Variants in SMARCA4 observed in about 807,000 individuals in gnomAD.
SMARCA4 encodes the protein SWI/SNF-related matrix-associated actin-dependent regulator of chromatin subfamily A member 4.
Under a neutral mutation model 193.9 loss-of-function variants are expected in SMARCA4, and 31 were observed. The observed-to-expected ratio is 0.16, with a 90% CI of 0.12 to 0.22. SMARCA4 has a LOEUF of 0.22. Among genes scored for constraint, SMARCA4 ranks in the 10% least tolerant of loss-of-function variants. SMARCA4 has a pLI of 1.00. For missense variants in SMARCA4, 1,148 were observed against 2,296.0 expected (o/e 0.50, Z 10.22); for synonymous variants, 942 against 933.1 (o/e 1.01, Z -0.17).
chr19:11,059,934 G>A, intron 33 of SMARCA4, 49 bp downstream of exon 33: 4 of 1,613,404 alleles, frequency 2.5e-6, no homozygotes, highest in Non-Finnish European at 3.4e-6. Context: ...TGGCCCGAGA[G>A]CCCCCAAGGC....
At chr19:10,974,682 TATATATA>T (rs1470988975) in intron 1 of SMARCA4, among the ~76,000 whole-genome samples, 1 of 55,628 alleles carries the variant, frequency 1.8e-5, no homozygotes, top group African/African-American at 6.7e-5. Flanking sequence ...TATATATATA[TATATATA>T]TTTTTTTTTT....
In SMARCA4 at chr19:10,987,802, C is replaced by T. The variant is rs2145818726; in HGVS notation, c.996C>T (p.Ser332=). The part of the protein sequence containing the change: ...ASPVMPPQTQ[S]PGQPAQPAPM... ...CCGTGATGCCACCGCAGACCCAGTC[C>T]CCCGGGCAGCCGGCCCAGCCCGCGC... The change falls in exon 6 of 35, where the codon TCC becomes TCT. Residue 332 remains serine, a synonymous_variant. Coordinates refer to ENST00000344626, the MANE Select transcript of SMARCA4 (RefSeq NM_003072.5). The surrounding 1 kb of genome is among the most constrained non-coding windows in gnomAD (Gnocchi z 5.3). 1 of 1,603,016 alleles carries T rather than the reference C, an allele frequency of 6.2e-7. No homozygotes were observed. Among genetic ancestry groups the T allele is most frequent in the Non-Finnish European group, 8.5e-7 (1 of 1,175,666 alleles).
At chr19:11,014,409 C>T (rs1408653046) in intron 16 of SMARCA4, among the ~76,000 whole-genome samples, 2 of 152,262 alleles carry the variant, frequency 1.3e-5, no homozygotes, top group Non-Finnish European at 2.9e-5. Context: ...CTGCTTCCTA[C>T]GTGGCGGGTA....
At chr19:10,964,392 C>A (rs2084047972) in intron 1 of SMARCA4, among the ~76,000 whole-genome samples, 1 of 151,720 alleles carries the variant, frequency 6.6e-6, no homozygotes. Context: ...CTCACTGCAA[C>A]CTCTGCCTCC....
chr19:10,975,877 T>A (rs2085085661), intron 1 of SMARCA4, among the ~76,000 whole-genome samples: 1 of 152,222 alleles, frequency 6.6e-6, no homozygotes, highest in Non-Finnish European at 1.5e-5. Flanking sequence ...TTTCTCCTTG[T>A]GGAGGCCCCG....
At chr19:10,961,569 G>C (rs1228785396) in intron 1 of SMARCA4, 1 of 152,232 alleles carries the variant, frequency 6.6e-6, no homozygotes, top group Admixed American at 6.5e-5. Flanking sequence ...CGTGGTAACG[G>C]GTCCGACCCG....
chr19:11,045,540 G>A (rs1020282176), intron 30 of SMARCA4, among the ~76,000 whole-genome samples: 2 of 152,078 alleles, frequency 1.3e-5, no homozygotes, highest in African/African-American at 4.8e-5. Context: ...ACACTTCTCT[G>A]TATTCCATTA....
In SMARCA4 at chr19:10,987,018, C is replaced by T. The variant is rs1381780491; in HGVS notation, c.859+15C>T. 13 of 1,578,394 alleles carry T rather than the reference C, an allele frequency of 8.2e-6. No individual in the cohort carries two copies. Among genetic ancestry groups the T allele is most frequent in the East Asian group, 2.2e-5 (1 of 44,752 alleles). On this transcript the variant is annotated intron_variant, in intron 5 of 34. Coordinates refer to ENST00000344626, the MANE Select transcript of SMARCA4 (RefSeq NM_003072.5). This position sits in a 1 kb window ranked among gnomAD's most constrained non-coding sequence, Gnocchi z 5.3. ...CTGGCCTGAAGGTGAGCTCCCTCTT[C>T]TATGGTGGTGCACCCGTGCCCTTAC...
chr19:11,005,528 T>C (rs887957307), intron 13 of SMARCA4, among the ~76,000 whole-genome samples: 7 of 152,232 alleles, frequency 4.6e-5, no homozygotes, highest in African/African-American at 1.7e-4. Context: ...CTGGCACTTA[T>C]GCTTTGCTGA....
intron 8 of SMARCA4, 65 bp from the exon 9 acceptor site, chr19:10,994,763 C>T (rs564750568): frequency 6.9e-7 from 1 of 1,444,108 alleles, no homozygotes; most frequent in Middle Eastern, 1.7e-4. Context: ...TTAAACAAGC[C>T]TTGCGGGGAG....
chr19:11,007,754 A>G (rs1207433623), intron 13 of SMARCA4, 148 bp from the exon 14 acceptor site: 1 of 686,062 alleles, frequency 1.5e-6, no homozygotes, highest in East Asian at 2.8e-5. Context: ...ACAAAGATGT[A>G]AATAATAAAC....
rs145725609 is a variant in SMARCA4 at position 10,965,715 on chromosome 19, G to A, written c.-32+4541G>A. ...CACCTGTACAGCATGTCACTGTACC[G>A]ATTATTGTAGGCAGTTGTGACCCGA... is the stretch of plus-strand genomic sequence containing the variant. On this transcript the variant is annotated intron_variant, in intron 1 of 34. Transcript: ENST00000344626. 5.6e-4 allele frequency among the ~76,000 whole-genome samples: 86 copies of A among 152,246 alleles called. 1 individual carries two copies. Among genetic ancestry groups the A allele is most frequent in the African/African-American group, 1.7e-3 (71 of 41,546 alleles).
rs1264599012 is a variant in SMARCA4 at position 10,984,787 on chromosome 19, C to G, written c.222+414C>G. ...GCCGAGCAGCGGGTTCCCTTTCCTC[C>G]AAGGCGTGCCCCTCAGCCACTGTCT... On this transcript the variant is annotated intron_variant, in intron 2 of 34. Transcript: ENST00000344626. This position sits in a 1 kb window ranked among gnomAD's most constrained non-coding sequence, Gnocchi z 4.3. Among the ~76,000 whole-genome samples, 4 of 152,224 alleles carry G rather than the reference C, an allele frequency of 2.6e-5. No homozygotes were observed. The highest frequency in any genetic ancestry group is 9.6e-5 in the African/African-American group (4 of 41,472).
chr19:10,999,794 T>C (rs552615334), intron 11 of SMARCA4, among the ~76,000 whole-genome samples: 2 of 152,234 alleles, frequency 1.3e-5, no homozygotes, highest in Non-Finnish European at 2.9e-5. Flanking sequence ...ATAGGCTTAC[T>C]TACCTGCTCC....
At chr19:10,972,746 A>G (rs1311916084) in intron 1 of SMARCA4, among the ~76,000 whole-genome samples, 3 of 152,158 alleles carry the variant, frequency 2.0e-5, no homozygotes, top group Admixed American at 6.6e-5. Flanking sequence ...AGTGTTGCGT[A>G]TATAGCTGAT....
In SMARCA4 at chr19:11,058,977, G is replaced by A; in HGVS notation, c.4635+88G>A. Reference sequence around the variant, plus strand: ...CCCCTCCTTCCCTTCTGAATTGATGGGTTAAAAACAAGTCCCGCTAGCTGT... The same window carrying A: ...CCCCTCCTTCCCTTCTGAATTGATGAGTTAAAAACAAGTCCCGCTAGCTGT... On this transcript the variant is annotated intron_variant, in intron 32 of 34. Coordinates refer to ENST00000344626, the MANE Select transcript of SMARCA4 (RefSeq NM_003072.5). This position sits in a 1 kb window ranked among gnomAD's most constrained non-coding sequence, Gnocchi z 5.8. The A allele has an allele frequency of 9.3e-7, 1 of 1,070,184 alleles. No individual in the cohort carries two copies. The highest frequency in any genetic ancestry group is 1.4e-6 in the Non-Finnish European group (1 of 704,670). The allele number at this position is 1,070,184 out of a possible 1,614,324, so 66.3% of individuals were successfully genotyped here. A position where few individuals can be genotyped will look rare whatever the true frequency, so the allele number is the denominator to read the frequency against.
intron 6 of SMARCA4, among the ~76,000 whole-genome samples, chr19:10,988,602 A>G (rs2086274613): frequency 6.6e-6 from 1 of 152,128 alleles, no homozygotes; most frequent in African/African-American, 2.4e-5. Context: ...ACCTTTGCAC[A>G]GGCTGTGCAT....
At position 10,996,550 on chromosome 19, in the gene SMARCA4, G is replaced by A. The variant is rs2145982031; in HGVS notation, c.1812+6G>A. The stretch of plus-strand genomic sequence containing the variant: ...CCATTGGGCCGGATGGCGAGGTGAG[G>A]AAGCAGGGTTTCTTGTGGAAGTATC... On this transcript the variant is annotated splice_donor_region_variant and intron_variant, in intron 11 of 34. Transcript: ENST00000344626. 6.2e-7 allele frequency: 1 copy of A among 1,613,990 alleles called. No homozygotes were observed. The highest frequency in any genetic ancestry group is 8.5e-7 in the Non-Finnish European group (1 of 1,179,828).
At chr19:11,032,990 G>A (rs2075032375) in intron 25 of SMARCA4, 3 of 493,782 alleles carry the variant, frequency 6.1e-6, no homozygotes, top group Middle Eastern at 5.7e-4. Context: ...TGCCACGGGA[G>A]CTGCTTGAGA....
Sources: allele counts gnomAD v4.1 joint callset (sites outside exome capture counted in the v4.1 genomes callset), GRCh38; gene constraint gnomAD v4.1.1; non-coding constraint Gnocchi (gnomAD v3.1); transcripts MANE v1.5; gene names NCBI Gene and HGNC (gene_info 2026-07-23, HGNC 2026-07-21).